The following PPRC1 variants were observed in gnomAD, a reference collection of about 807,000 sequenced individuals.
PPRC1 encodes the protein PPARG related coactivator 1.
Under a neutral mutation model 132.5 loss-of-function variants are expected in PPRC1, and 23 were observed. The observed-to-expected ratio is 0.17, with a 90% CI of 0.12 to 0.25. The LOEUF (loss-of-function observed/expected upper bound fraction) is 0.25. Ranked by LOEUF, PPRC1 falls within the 10% of genes least tolerant of loss-of-function variation. PPRC1 has a pLI of 1.00. For synonymous variants in PPRC1, 872 were observed against 833.5 expected (o/e 1.05, Z -0.80); for missense variants, 2,006 against 2,089.1 (o/e 0.96, Z 0.78).
intron 1 of PPRC1, 52 bp downstream of exon 1, chr10:102,133,273 G>T: frequency 8.1e-7 from 1 of 1,234,742 alleles, no homozygotes; most frequent in Non-Finnish European, 1.0e-6. Context: ...TGTGTGCCGG[G>T]CGGTGACACG....
chr10:102,123,446 G>C, the PPRC1 span, among the ~76,000 whole-genome samples: 1 of 152,166 alleles, frequency 6.6e-6, no homozygotes, highest in Non-Finnish European at 1.5e-5. Context: ...TGGAGGCTTA[G>C]CTGATTTGTA....
Position 102,133,145 on chromosome 10 carries a change from G to A in PPRC1, c.77G>A (p.Gly26Glu). ...SGGPGPDPGG[G>E]ARGSGWGSRS... ...GGCCCCGGTCCGGACCCTGGCGGGG[G>A]AGCCCGCGGCAGTGGTTGGGGAAGT... The change falls in exon 1 of 14, where the codon GGA becomes GAA. Residue 26 changes from glycine (G) to glutamate (E), a missense_variant. Transcript: ENST00000278070. 1 of 1,256,814 alleles carries A rather than the reference G, an allele frequency of 8.0e-7. No homozygotes were observed. Among genetic ancestry groups the A allele is most frequent in the Non-Finnish European group, 1.0e-6 (1 of 994,082 alleles). 77.9% of individuals were successfully genotyped at this position (1,256,814 alleles called of 1,614,324 possible).
chr10:102,149,164 TCTC>T lies in PPRC1; in HGVS notation c.4740-8_4740-6del, dbSNP rs754699958. ...ATAGCCACTCCAGCCCCTGCCTCAC[TCTC>T]CTCCTACTAGGGACAACTACGGCTT... On this transcript the variant is annotated splice_polypyrimidine_tract_variant and intron_variant, in intron 12 of 13. Coordinates refer to ENST00000278070, the MANE Select transcript of PPRC1 (RefSeq NM_015062.5). The T allele has an allele frequency of 6.8e-5, 107 of 1,567,362 alleles. No individual in the cohort carries two copies. Among genetic ancestry groups the T allele is most frequent in the Non-Finnish European group, 8.4e-5 (97 of 1,154,760 alleles).
intron 1 of PPRC1, among the ~76,000 whole-genome samples, chr10:102,136,089 A>G (rs1224540923): frequency 1.3e-5 from 2 of 152,110 alleles, no homozygotes; most frequent in African/African-American, 4.8e-5. Flanking sequence ...GGCAGAGCAA[A>G]TGGAGTTGCA....
intron 6 of PPRC1, among the ~76,000 whole-genome samples, chr10:102,143,616 AAAAG>A (rs2069094666): frequency 1.3e-5 from 2 of 152,026 alleles, no homozygotes; most frequent in African/African-American, 4.8e-5. Context: ...AAAAAAAAAA[AAAAG>A]GAATCCAAGC....
At chr10:102,132,274 T>C (rs1455398218), upstream of PPRC1, among the ~76,000 whole-genome samples, 1 of 152,196 alleles carries the variant, frequency 6.6e-6, no homozygotes, top group East Asian at 1.9e-4. Context: ...AAATAGCAAA[T>C]ATGAAGTAGC....
At position 102,146,670 on chromosome 10, in the gene PPRC1, A is replaced by G. The variant is rs1211410576; in HGVS notation, c.3680-2A>G. The G allele has an allele frequency of 1.9e-6, 3 of 1,603,246 alleles. No individual in the cohort carries two copies. Among genetic ancestry groups the G allele is most frequent in the East Asian group, 2.2e-5 (1 of 44,700 alleles). ...TATCTCCATCCTCCCTCCCCACCAC[A>G]GGGCTCACCCCTCCAGCTACCCCTC... On this transcript the variant is annotated splice_acceptor_variant, in intron 8 of 13. Coordinates refer to ENST00000278070, the MANE Select transcript of PPRC1 (RefSeq NM_015062.5). LOFTEE classifies it high-confidence loss of function.
rs567240426 is a variant in PPRC1 at position 102,134,081 on chromosome 10, G to C, written c.153+860G>C. The stretch of plus-strand genomic sequence containing the variant: ...CGGCTTGGGGTGGGTTGTGAGTCAC[G>C]GGCATTGGCGTTTTGGTTGCCTTGC... On this transcript the variant is annotated intron_variant, in intron 1 of 13. Coordinates refer to ENST00000278070, the MANE Select transcript of PPRC1 (RefSeq NM_015062.5). Among the ~76,000 whole-genome samples, 9 of 152,156 alleles carry C rather than the reference G, an allele frequency of 5.9e-5. No individual in the cohort carries two copies. In the South Asian group the frequency reaches 1.9e-3, roughly 32 times the overall value.
chr10:102,124,386 GAC>G, the PPRC1 span, among the ~76,000 whole-genome samples: 1 of 151,634 alleles, frequency 6.6e-6, no homozygotes, highest in Non-Finnish European at 1.5e-5. Context: ...TTCTTGTTGA[GAC>G]AGTCTCACTC....
rs372040471 is a variant in PPRC1, at chr10:102,140,638, C to T, written c.2130C>T (p.Leu710=). The T allele has an allele frequency of 1.1e-5, 18 of 1,614,042 alleles. No homozygotes were observed. The highest frequency in any genetic ancestry group is 2.2e-5 in the East Asian group (1 of 44,872). Residue 710 remains leucine, a synonymous_variant, in exon 5 of 14, where the codon CTC becomes CTT. Transcript: ENST00000278070. ...SALGGSAPQL[L]VESESLDPPK... ...TGGGGGGTTCAGCACCCCAGCTCCT[C>T]GTGGAGTCAGAGTCCTTGGACCCAC...
intron 13 of PPRC1, 22 bp downstream of exon 13, chr10:102,149,351 A>G (rs766240691): frequency 6.5e-7 from 1 of 1,549,348 alleles, no homozygotes; most frequent in African/African-American, 1.4e-5. Context: ...GAGGGCCTAA[A>G]GCTTTGGAAT....
chr10:102,146,714 C>T lies in PPRC1; in HGVS notation c.3722C>T (p.Pro1241Leu). Residue 1241 changes from proline to leucine, a missense_variant, in exon 9 of 14, where the codon CCC (proline) becomes CTC (leucine). Around this residue, in one of 2 missense-constraint regions of PPRC1, gnomAD observed 1,914 missense variants for 1,917.2 expected, o/e 1.00. Coordinates refer to ENST00000278070, the MANE Select transcript of PPRC1 (RefSeq NM_015062.5). The part of the protein sequence containing the change: ...PATPPHQLWK[P>L]LAAVSLLAKA... ...ACCCCTCCCCACCAGTTATGGAAGC[C>T]CCTGGCTGCTGTCTCACTGCTGGCC... 1.2e-6 allele frequency: 2 copies of T among 1,613,752 alleles called. No individual in the cohort carries two copies. The highest frequency in any genetic ancestry group is 1.1e-5 in the South Asian group (1 of 91,070).
the PPRC1 span, among the ~76,000 whole-genome samples, chr10:102,125,596 T>G: frequency 6.6e-6 from 1 of 151,920 alleles, no homozygotes; most frequent in Non-Finnish European, 1.5e-5. Context: ...TAGTGCAAGA[T>G]GGACTCTGGA....
the PPRC1 span, among the ~76,000 whole-genome samples, chr10:102,124,290 C>T: frequency 1.4e-4 from 21 of 151,596 alleles, no homozygotes; most frequent in Middle Eastern, 3.5e-3. Context: ...GTCTCGAACT[C>T]CTGACCTTGT....
chr10:102,139,080 A>G lies in PPRC1; in HGVS notation c.592-20A>G. The G allele has an allele frequency of 1.2e-6, 2 of 1,601,740 alleles. No homozygotes were observed. The highest frequency in any genetic ancestry group is 1.7e-6 in the Non-Finnish European group (2 of 1,170,514). On this transcript the variant is annotated intron_variant, in intron 4 of 13. Transcript: ENST00000278070. ...TTTCCCAAAGAAAACTCCTCCTGAG[A>G]CCTCTCTTCTCTCCTGCAGGTTGAA...
At chr10:102,123,858 G>A in the PPRC1 span, among the ~76,000 whole-genome samples, 2 of 12,824 alleles carry the variant, frequency 1.6e-4, no homozygotes, top group African/African-American at 5.4e-4. Flanking sequence ...TTTTTTTTTT[G>A]AGATGGAGTT....
rs1389539326 is a variant in PPRC1 at position 102,141,567 on chromosome 10, G to A, written c.3059G>A (p.Gly1020Asp). 6.2e-7 allele frequency: 1 copy of A among 1,613,912 alleles called. No individual in the cohort carries two copies. The highest frequency in any genetic ancestry group is 1.7e-5 in the Admixed American group (1 of 60,002). Residue 1020 changes from glycine to aspartate, a missense_variant, in exon 5 of 14, where the codon GGC (glycine) becomes GAC (aspartate). Gly to Asp is a moderately conservative substitution (Grantham distance 94). This residue lies in a region of PPRC1 where 1,914 missense variants were observed against 1,917.2 expected (regional missense o/e 1.00). Coordinates refer to ENST00000278070, the MANE Select transcript of PPRC1 (RefSeq NM_015062.5). ...AVPQPKMESRGTPAGPPENVL... is the reference protein window; with the variant it reads ...AVPQPKMESRDTPAGPPENVL... ...CCCCAACCTAAAATGGAGTCTAGGGGCACTCCAGCTGGCCCTCCTGAAAAT... is the reference window on the plus strand; with the variant it reads ...CCCCAACCTAAAATGGAGTCTAGGGACACTCCAGCTGGCCCTCCTGAAAAT...
At chr10:102,124,515 C>T in the PPRC1 span, among the ~76,000 whole-genome samples, 16 of 151,748 alleles carry the variant, frequency 1.1e-4, no homozygotes, top group African/African-American at 3.9e-4. Flanking sequence ...AGGCGCGCAC[C>T]ACCACACTTG....
chr10:102,131,018 C>G (rs1457498362), upstream of PPRC1, among the ~76,000 whole-genome samples: 1 of 151,936 alleles, frequency 6.6e-6, no homozygotes. Flanking sequence ...TGGTGAAACC[C>G]TGTCTCTACT....
Sources: gnomAD v4.1 joint callset for allele counts (sites outside exome capture counted in the v4.1 genomes callset) on GRCh38, gnomAD v4.1.1 for gene constraint, gnomAD v4.1.1 regional missense constraint, MANE v1.5 for transcripts, NCBI Gene and HGNC (gene_info 2026-07-23, HGNC 2026-07-21) for gene names.